The following LAMA1 variants were observed in gnomAD, a reference collection of about 807,000 sequenced individuals.
LAMA1 encodes the protein laminin subunit alpha-1.
Under a neutral mutation model 348.7 loss-of-function variants are expected in LAMA1, and 219 were observed. The ratio of observed to expected loss-of-function variants is 0.63; its 90% CI spans 0.56 to 0.70. The LOEUF is 0.70. Ranked by LOEUF, LAMA1 falls within the 30% of genes least tolerant of loss-of-function variation. The pLI is 0.00. For missense variants in LAMA1, 3,744 were observed against 3,888.0 expected, an observed-to-expected ratio of 0.96 and a Z score of 0.99; for synonymous variants, 1,487 against 1,491.0, an observed-to-expected ratio of 1.00 and a Z score of 0.06.
At chr18:6,977,355 G>C (rs1427904169) in intron 44 of LAMA1, among the ~76,000 whole-genome samples, 1 of 152,174 alleles carries the variant, frequency 6.6e-6, no homozygotes, top group Non-Finnish European at 1.5e-5. Flanking sequence ...TTGGTAAAAC[G>C]AAGAACTAAC....
chr18:7,026,094 T>A lies in LAMA1; in HGVS notation c.2287A>T (p.Asn763Tyr). 6.2e-7 allele frequency: 1 copy of A among 1,611,520 alleles called. No individual in the cohort carries two copies. The highest frequency in any genetic ancestry group is 1.1e-5 in the South Asian group (1 of 90,490). ...TGCTCACAGTGGACGCCGGTGGTGT[T>A]GTGCGCACACGCCTAGGAACATGCA... Reference protein sequence around the residue: ...VHGVCIACAHNTTGVHCEQCL... With the variant: ...VHGVCIACAHYTTGVHCEQCL... The change falls in exon 17 of 63, where the codon AAC becomes TAC. Residue 763 changes from asparagine to tyrosine, a missense_variant. Coordinates refer to ENST00000389658, the MANE Select transcript of LAMA1 (RefSeq NM_005559.4).
chr18:7,012,278 C>T (rs533972545), intron 23 of LAMA1, 140 bp from the exon 24 acceptor site: 21 of 880,900 alleles, frequency 2.4e-5, no homozygotes, highest in African/African-American at 6.7e-5. Context: ...TAGCCAGGCC[C>T]GGAGCTTTCT....
intron 60 of LAMA1, 41 bp downstream of exon 60, chr18:6,948,362 C>T (rs185261499): frequency 6.2e-6 from 10 of 1,613,736 alleles, no homozygotes; most frequent in African/African-American, 2.7e-5. Flanking sequence ...AGAGTACAGA[C>T]TCATTCGGGG....
chr18:7,025,125 G>A (rs572589736), intron 17 of LAMA1, among the ~76,000 whole-genome samples: 5 of 152,276 alleles, frequency 3.3e-5, no homozygotes, highest in East Asian at 1.9e-4. Flanking sequence ...TTAAACCAGC[G>A]AGAGACAGAG....
chr18:7,050,400 T>A (rs976437675), intron 4 of LAMA1, among the ~76,000 whole-genome samples: 22 of 152,152 alleles, frequency 1.4e-4, no homozygotes, highest in African/African-American at 5.1e-4. Flanking sequence ...CTCTCTAATA[T>A]TTCAACAAAC....
chr18:7,117,184 C>T (rs1290408039), intron 1 of LAMA1, among the ~76,000 whole-genome samples: 1 of 152,190 alleles, frequency 6.6e-6, no homozygotes, highest in Admixed American at 6.5e-5. Context: ...CCGCCGCGAC[C>T]CAGCTTGCGC....
chr18:7,077,855 C>T (rs930297398), intron 3 of LAMA1, among the ~76,000 whole-genome samples: 3 of 151,768 alleles, frequency 2.0e-5, no homozygotes, highest in Non-Finnish European at 4.4e-5. Flanking sequence ...CTTGGCTGGA[C>T]GTGGTGCTCA....
chr18:7,065,981 G>A (rs907655486), intron 3 of LAMA1, among the ~76,000 whole-genome samples: 3 of 152,148 alleles, frequency 2.0e-5, no homozygotes, highest in Non-Finnish European at 4.4e-5. Flanking sequence ...TCAACAGGCA[G>A]CTGTCCCAGT....
rs565276715 is a variant in LAMA1 at position 7,044,806 on chromosome 18, C to A, written c.892G>T (p.Gly298Trp). The change falls in exon 7 of 63, where the codon GGG becomes TGG. Residue 298 changes from glycine to tryptophan, a missense_variant. Coordinates refer to ENST00000389658, the MANE Select transcript of LAMA1 (RefSeq NM_005559.4). Reference sequence around the variant, plus strand: ...GGACAGCACCTGTTACAGCTCTCCCCGCAAGTATTATGCTCACATTGACAC... The same window carrying A: ...GGACAGCACCTGTTACAGCTCTCCCAGCAAGTATTATGCTCACATTGACAC... ...LQCQCEHNTCGESCNRCCPGY... is the reference protein window; with the variant it reads ...LQCQCEHNTCWESCNRCCPGY... 1.2e-6 allele frequency: 2 copies of A among 1,614,126 alleles called. No homozygotes were observed. The highest frequency in any genetic ancestry group is 1.7e-6 in the Non-Finnish European group (2 of 1,180,016).
intron 25 of LAMA1, 73 bp from the exon 26 acceptor site, chr18:7,010,458 C>A: frequency 7.4e-7 from 1 of 1,355,378 alleles, no homozygotes; most frequent in Non-Finnish European, 1.0e-6. Flanking sequence ...GCAAGACTGC[C>A]ACCATAAGAG....
intron 62 of LAMA1, 78 bp downstream of exon 62, chr18:6,943,102 A>G (rs1204858720): frequency 3.2e-6 from 4 of 1,235,068 alleles, no homozygotes; most frequent in Non-Finnish European, 4.8e-6. Context: ...CTCAATCCCT[A>G]TTCTACATCC....
chr18:7,001,859 G>C (rs1414325264), intron 30 of LAMA1, among the ~76,000 whole-genome samples: 1 of 152,136 alleles, frequency 6.6e-6, no homozygotes, highest in Non-Finnish European at 1.5e-5. Flanking sequence ...TTAGGCACCA[G>C]CTTATATAAA....
chr18:6,989,735 C>G (rs533018634), intron 36 of LAMA1, among the ~76,000 whole-genome samples: 5 of 152,162 alleles, frequency 3.3e-5, no homozygotes, highest in African/African-American at 1.2e-4. Flanking sequence ...GCCTACCCAC[C>G]TCCTTTCAGG....
chr18:7,055,477 AT>A (rs1466292669), intron 3 of LAMA1, among the ~76,000 whole-genome samples: 10 of 139,122 alleles, frequency 7.2e-5, no homozygotes, highest in African/African-American at 2.4e-4. Context: ...AAAAAAAAAA[AT>A]TTACCCACGT....
intron 3 of LAMA1, among the ~76,000 whole-genome samples, chr18:7,073,128 T>C (rs1276854993): frequency 6.6e-6 from 1 of 152,186 alleles, no homozygotes; most frequent in Non-Finnish European, 1.5e-5. Flanking sequence ...TCTCCCACAC[T>C]GTCAAACCAA....
In LAMA1 at chr18:6,977,620, G is replaced by C. The variant is rs2057688236; in HGVS notation, c.6345+107C>G. On this transcript the variant is annotated intron_variant, in intron 44 of 62. Transcript: ENST00000389658. ...CAGATTATTGGGATCTGGGTCTTTGGAAGCCCTAAGGGGCGCAGTGTGACT... is the reference window on the plus strand; with the variant it reads ...CAGATTATTGGGATCTGGGTCTTTGCAAGCCCTAAGGGGCGCAGTGTGACT... The C allele has an allele frequency of 3.0e-6, 4 of 1,313,698 alleles. No homozygotes were observed. In the South Asian group the frequency reaches 5.2e-5, roughly 17 times the overall value. The allele number at this position is 1,313,698 out of a possible 1,614,324, so 81.4% of individuals were successfully genotyped here.
At chr18:7,114,651 C>G (rs1213746698) in intron 1 of LAMA1, among the ~76,000 whole-genome samples, 2 of 152,140 alleles carry the variant, frequency 1.3e-5, no homozygotes, top group Non-Finnish European at 2.9e-5. Context: ...GAAACTAAAA[C>G]ACACGTTATG....
chr18:7,006,996 A>C lies in LAMA1; in HGVS notation c.4260+143T>G, dbSNP rs1185556409. On this transcript the variant is annotated intron_variant, in intron 29 of 62. Transcript: ENST00000389658. ...AGAACCACTAAGCTATGCCGTCCTC[A>C]AGGAAATAGGTTTATATTTTATATT... 4 of 1,274,402 alleles carry C rather than the reference A, an allele frequency of 3.1e-6. No individual in the cohort carries two copies. In the Admixed American group the frequency reaches 8.0e-5, roughly 26 times the overall value. 78.9% of individuals were successfully genotyped at this position (1,274,402 alleles called of 1,614,324 possible).
At position 7,034,648 on chromosome 18, in the gene LAMA1, A is replaced by G; in HGVS notation, c.1882T>C (p.Leu628=). The G allele has an allele frequency of 1.9e-6, 3 of 1,614,220 alleles. No individual in the cohort carries two copies. Among genetic ancestry groups the G allele is most frequent in the East Asian group, 2.2e-5 (1 of 44,884 alleles). ...TLSTQAEGLS[L]QPYEEYLNVV... ...TTTAGGTACTCTTCATAAGGCTGCA[A>G]TGACAGACCCTCAGCCTGTGTGCTT... Residue 628 remains leucine, a synonymous_variant, in exon 14 of 63, where the codon TTG becomes CTG. Coordinates refer to ENST00000389658, the MANE Select transcript of LAMA1 (RefSeq NM_005559.4).
Sources: gnomAD v4.1 joint callset for allele counts (sites outside exome capture counted in the v4.1 genomes callset) on GRCh38, gnomAD v4.1.1 for gene constraint, MANE v1.5 for transcripts, NCBI Gene and HGNC (gene_info 2026-07-23, HGNC 2026-07-21) for gene names.